Variants in RIC8B observed in about 807,000 individuals in gnomAD.
The protein encoded by RIC8B is RIC8 guanine nucleotide exchange factor B.
A neutral mutation model predicts 57.5 loss-of-function variants in RIC8B; 16 were observed. That is an observed-to-expected ratio of 0.28 (90% CI 0.19 to 0.42). The LOEUF (loss-of-function observed/expected upper bound fraction) is 0.42. RIC8B is among the 10% of genes least tolerant of loss of function. RIC8B has a pLI of 1.00. For synonymous variants in RIC8B, 216 were observed against 250.8 expected, an observed-to-expected ratio of 0.86 and a Z score of 1.31; for missense variants, 481 against 677.0, an observed-to-expected ratio of 0.71 and a Z score of 3.21.
chr12:106,842,863 T>C, intron 5 of RIC8B, 46 bp downstream of exon 5: 1 of 1,209,328 alleles, frequency 8.3e-7, no homozygotes, highest in South Asian at 1.3e-5. Context: ...TTCCAAAGAA[T>C]GTAAATGTGC....
chr12:106,871,181 C>T (rs1279553155), intron 9 of RIC8B: 2 of 320,090 alleles, frequency 6.2e-6, no homozygotes, highest in Non-Finnish European at 1.1e-5. Context: ...ACTACCAGAG[C>T]ACTGTAATAA....
At chr12:106,787,636 T>C (rs1251432150) in intron 2 of RIC8B, among the ~76,000 whole-genome samples, 1 of 151,928 alleles carries the variant, frequency 6.6e-6, no homozygotes, top group Non-Finnish European at 1.5e-5. Context: ...GCTTGCATGG[T>C]GGTGGCAAGA....
At chr12:106,810,124 A>G (rs569355976) in intron 2 of RIC8B, among the ~76,000 whole-genome samples, 42 of 150,492 alleles carry the variant, frequency 2.8e-4, no homozygotes, top group South Asian at 1.9e-3. Context: ...CGTCTATTTT[A>G]TAACATCCCT....
At chr12:106,846,541 G>GATTA (rs913259726) in intron 6 of RIC8B, among the ~76,000 whole-genome samples, 1 of 152,088 alleles carries the variant, frequency 6.6e-6, no homozygotes, top group African/African-American at 2.4e-5. Context: ...ATTTAGGCAA[G>GATTA]ATTAATTAAT....
In RIC8B at chr12:106,845,111, C is replaced by T. The variant is rs376954436; in HGVS notation, c.1161+1164C>T. On this transcript the variant is annotated intron_variant, in intron 6 of 9. Coordinates refer to ENST00000392837, the MANE Select transcript of RIC8B (RefSeq NM_001330145.2). ...ATTACTATAATCACTCCTTTCCATA[C>T]ATCTCTAACTAGCACCTTGTGCGCT... 5.5e-4 allele frequency among the ~76,000 whole-genome samples: 84 copies of T among 152,294 alleles called. 2 individuals carry two copies. In the South Asian group the frequency reaches 0.017, roughly 31 times the overall value.
chr12:106,860,242 T>C, intron 7 of RIC8B, 26 bp from the exon 8 acceptor site: 1 of 1,536,412 alleles, frequency 6.5e-7, no homozygotes, highest in Middle Eastern at 1.7e-4. Flanking sequence ...AGGATTCCTA[T>C]CTAAAACCCT....
chr12:106,776,166 G>T (rs1453782163), intron 1 of RIC8B, among the ~76,000 whole-genome samples: 1 of 152,164 alleles, frequency 6.6e-6, no homozygotes, highest in Non-Finnish European at 1.5e-5. Flanking sequence ...TCCAAGTCCA[G>T]CGAGCGCTCT....
intron 1 of RIC8B, among the ~76,000 whole-genome samples, chr12:106,780,128 A>C (rs1038737862): frequency 1.3e-5 from 2 of 151,988 alleles, no homozygotes; most frequent in African/African-American, 4.8e-5. Flanking sequence ...GATTCTTTAC[A>C]TCGCAGGCTA....
At chr12:106,852,868 G>C (rs1262925224) in intron 7 of RIC8B, among the ~76,000 whole-genome samples, 1 of 152,216 alleles carries the variant, frequency 6.6e-6, no homozygotes, top group Non-Finnish European at 1.5e-5. Flanking sequence ...TTAGCATAGT[G>C]CCTTGCACAT....
intron 2 of RIC8B, among the ~76,000 whole-genome samples, chr12:106,798,294 A>G (rs764715703): frequency 3.3e-5 from 5 of 152,182 alleles, no homozygotes; most frequent in Admixed American, 6.5e-5. Context: ...TGGAAAACTC[A>G]TAGGGACCTG....
Position 106,814,817 on chromosome 12 carries a change from C to T in RIC8B, c.254C>T (p.Thr85Ile). ...RDKKVLVPVTTKENMQILLRL... is the reference protein window; with the variant it reads ...RDKKVLVPVTIKENMQILLRL... Reference sequence around the variant, plus strand: ...AAAAAGGTTTTAGTTCCTGTGACAACTAAGGAAAATATGCAGATACTGCTG... The same window carrying T: ...AAAAAGGTTTTAGTTCCTGTGACAATTAAGGAAAATATGCAGATACTGCTG... Residue 85 changes from threonine to isoleucine, a missense_variant, in exon 3 of 10, where the codon ACT (threonine) becomes ATT (isoleucine). Around this residue, in one of 3 missense-constraint regions of RIC8B, gnomAD observed 421 missense variants for 560.9 expected, o/e 0.75. Coordinates refer to ENST00000392837, the MANE Select transcript of RIC8B (RefSeq NM_001330145.2). 2 of 1,614,142 alleles carry T rather than the reference C, an allele frequency of 1.2e-6. No individual in the cohort carries two copies. The highest frequency in any genetic ancestry group is 1.1e-5 in the South Asian group (1 of 91,084).
chr12:106,814,868 A>T lies in RIC8B; in HGVS notation c.305A>T (p.Asp102Val). Residue 102 changes from aspartate to valine, a missense_variant, in exon 3 of 10, where the codon GAT becomes GTT. Physicochemically the swap from Asp to Val is radical, Grantham distance 152. Around this residue, in one of 3 missense-constraint regions of RIC8B, gnomAD observed 421 missense variants for 560.9 expected, o/e 0.75. Transcript: ENST00000392837. ...LLRLAKLNEL[D>V]DSLEKVSEFP... ...CGACTAGCCAAGCTAAATGAGTTAGATGATTCTTTGGAGAAAGTATCAGAG... is the reference window on the plus strand; with the variant it reads ...CGACTAGCCAAGCTAAATGAGTTAGTTGATTCTTTGGAGAAAGTATCAGAG... 1 of 1,614,094 alleles carries T rather than the reference A, an allele frequency of 6.2e-7. No homozygotes were observed.
At chr12:106,835,647 GTTTAT>G (rs1206721277) in intron 4 of RIC8B, among the ~76,000 whole-genome samples, 1 of 152,144 alleles carries the variant, frequency 6.6e-6, no homozygotes, top group African/African-American at 2.4e-5. Context: ...ACGAAAAGGA[GTTTAT>G]TTTCTTTTTT....
intron 9 of RIC8B, 147 bp from the exon 10 acceptor site, chr12:106,885,757 C>A: frequency 1.7e-6 from 1 of 579,900 alleles, no homozygotes; most frequent in South Asian, 2.1e-5. Flanking sequence ...TTTCCTATTA[C>A]AAACACACAG....
At chr12:106,864,850 G>A (rs934432629) in intron 8 of RIC8B, among the ~76,000 whole-genome samples, 2 of 152,010 alleles carry the variant, frequency 1.3e-5, no homozygotes, top group African/African-American at 4.8e-5. Flanking sequence ...CTCCTGGTAA[G>A]CACCATTTTA....
At chr12:106,859,429 A>G (rs1010117980) in intron 7 of RIC8B, among the ~76,000 whole-genome samples, 2 of 152,058 alleles carry the variant, frequency 1.3e-5, no homozygotes, top group Non-Finnish European at 2.9e-5. Flanking sequence ...GCCTGAACCA[A>G]ACTTTTCATT....
At chr12:106,800,907 T>C (rs1289525003) in intron 2 of RIC8B, among the ~76,000 whole-genome samples, 2 of 152,224 alleles carry the variant, frequency 1.3e-5, no homozygotes, top group African/African-American at 4.8e-5. Context: ...GTATATGTTA[T>C]TGTGACAGTG....
At chr12:106,829,565 C>T (rs573934455) in intron 4 of RIC8B, among the ~76,000 whole-genome samples, 1 of 152,290 alleles carries the variant, frequency 6.6e-6, no homozygotes, top group South Asian at 2.1e-4. Flanking sequence ...TACCTAATAA[C>T]ACCTTATTAC....
intron 4 of RIC8B, among the ~76,000 whole-genome samples, 165 bp downstream of exon 4, chr12:106,825,985 T>C (rs954350240): frequency 2.0e-5 from 3 of 152,214 alleles, no homozygotes; most frequent in African/African-American, 4.8e-5. Flanking sequence ...TACTATGCCC[T>C]GATGAGAAAT....
Sources: allele counts gnomAD v4.1 joint callset (sites outside exome capture counted in the v4.1 genomes callset), GRCh38; gene constraint gnomAD v4.1.1; regional missense constraint gnomAD v4.1.1; transcripts MANE v1.5; gene names NCBI Gene and HGNC (gene_info 2026-07-23, HGNC 2026-07-21).